TRPM3: variants seen among roughly 807,000 people sequenced by gnomAD.
The protein encoded by TRPM3 is transient receptor potential cation channel subfamily M member 3.
A neutral mutation model predicts 181.2 loss-of-function variants in TRPM3; 77 were observed. The observed-to-expected ratio is 0.42, with a 90% confidence interval of 0.35 to 0.51. TRPM3 has a LOEUF of 0.51. Ranked by LOEUF, TRPM3 falls within the 20% of genes least tolerant of loss-of-function variation. The pLI is 0.01. For synonymous variants in TRPM3, 745 were observed against 796.4 expected (o/e 0.94, Z 1.09); for missense variants, 1,759 against 2,196.7 (o/e 0.80, Z 3.98).
chr9:70,887,408 C>G (rs1019078773), intron 1 of TRPM3, among the ~76,000 whole-genome samples: 2 of 152,144 alleles, frequency 1.3e-5, no homozygotes, highest in Non-Finnish European at 2.9e-5. Context: ...GTTAATCAAA[C>G]TTAGAAATAA....
rs911950462 is a variant in TRPM3, at chr9:71,188,403, C to A, written c.183+258250G>T. Among the ~76,000 whole-genome samples, 5 of 151,962 alleles carry A rather than the reference C, an allele frequency of 3.3e-5. No homozygotes were observed. The East Asian group carries it at 9.7e-4, about 29-fold the overall frequency. On this transcript the variant is annotated intron_variant, in intron 1 of 24. Transcript: ENST00000357533. Reference sequence around the variant, plus strand: ...AGAGTTGCCATCCATAGGCAGACCACGTGCCTGTAGAGGTTTATATCACTA... The same window carrying A: ...AGAGTTGCCATCCATAGGCAGACCAAGTGCCTGTAGAGGTTTATATCACTA...
intron 1 of TRPM3, among the ~76,000 whole-genome samples, chr9:71,233,741 G>A (rs2081204590): frequency 6.6e-6 from 1 of 152,202 alleles, no homozygotes; most frequent in Non-Finnish European, 1.5e-5. Context: ...GAGCTTGCAA[G>A]AAGCCAAATT....
intron 24 of TRPM3, among the ~76,000 whole-genome samples, chr9:70,550,348 G>C (rs1052699060): frequency 6.6e-6 from 1 of 152,110 alleles, no homozygotes; most frequent in African/African-American, 2.4e-5. Context: ...CATCTATTTT[G>C]TGACCATGAA....
chr9:71,205,516 A>T (rs2079071874), intron 1 of TRPM3, among the ~76,000 whole-genome samples: 1 of 152,160 alleles, frequency 6.6e-6, no homozygotes, highest in Non-Finnish European at 1.5e-5. Context: ...AATGGCATCC[A>T]TGGCAAGTTT....
At position 71,104,677 on chromosome 9, in the gene TRPM3, A is replaced by G. The variant is rs75384424; in HGVS notation, c.177+16501T>C. Among the ~76,000 whole-genome samples, 5 of 152,128 alleles carry G rather than the reference A, an allele frequency of 3.3e-5. No individual in the cohort carries two copies. In the South Asian group the frequency reaches 1.0e-3, roughly 32 times the overall value. On this transcript the variant is annotated intron_variant, in intron 1 of 25. Transcript: ENST00000677713. ...TTAATTTTCTTCCTCTCTTTGCTCAACTTTACCCGTTAAGTTTTTTTTGCT... is the reference window on the plus strand; with the variant it reads ...TTAATTTTCTTCCTCTCTTTGCTCAGCTTTACCCGTTAAGTTTTTTTTGCT...
At chr9:71,002,963 T>C (rs1414324255) in intron 1 of TRPM3, among the ~76,000 whole-genome samples, 4 of 152,194 alleles carry the variant, frequency 2.6e-5, no homozygotes, top group African/African-American at 9.6e-5. Flanking sequence ...GTTATTGATG[T>C]TGGGTCCAGG....
chr9:70,908,614 C>T (rs927725575), intron 1 of TRPM3, among the ~76,000 whole-genome samples: 3 of 152,132 alleles, frequency 2.0e-5, no homozygotes, highest in Non-Finnish European at 2.9e-5. Flanking sequence ...TCAGGCCTCC[C>T]CAAATTCATC....
At chr9:70,775,649 T>A (rs1249010607) in intron 7 of TRPM3, 1 of 152,140 alleles carries the variant, frequency 6.6e-6, no homozygotes, top group Non-Finnish European at 1.5e-5. Context: ...AAGGAGGCCC[T>A]AGGAAAATAG....
intron 1 of TRPM3, among the ~76,000 whole-genome samples, chr9:71,038,240 CA>C (rs2058434479): frequency 6.6e-6 from 1 of 152,156 alleles, no homozygotes; most frequent in South Asian, 2.1e-4. Context: ...AGATCAGGAG[CA>C]TGATAGAATT....
chr9:71,220,288 T>C (rs1013744019), intron 1 of TRPM3, among the ~76,000 whole-genome samples: 14 of 152,078 alleles, frequency 9.2e-5, no homozygotes, highest in Non-Finnish European at 1.9e-4. Flanking sequence ...AGTTAGTAGA[T>C]GTCATTACTT....
intron 8 of TRPM3, among the ~76,000 whole-genome samples, chr9:70,740,322 G>A (rs2134796102): frequency 6.6e-6 from 1 of 152,238 alleles, no homozygotes; most frequent in East Asian, 1.9e-4. Flanking sequence ...AATCATAGAT[G>A]ACACAAAAAC....
chr9:70,928,104 G>A (rs182099313), intron 1 of TRPM3, among the ~76,000 whole-genome samples: 50 of 152,258 alleles, frequency 3.3e-4, no homozygotes, highest in African/African-American at 9.9e-4. Flanking sequence ...AAAATGAAAG[G>A]AGCATGGGGT....
intron 7 of TRPM3, among the ~76,000 whole-genome samples, chr9:70,781,953 C>T (rs1054520468): frequency 3.6e-4 from 54 of 151,982 alleles, no homozygotes; most frequent in African/African-American, 1.3e-3. Flanking sequence ...ACCTGAAATG[C>T]TGAGGTGAAC....
intron 1 of TRPM3, among the ~76,000 whole-genome samples, chr9:70,902,356 C>T (rs999696850): frequency 8.5e-5 from 13 of 152,188 alleles, no homozygotes; most frequent in Non-Finnish European, 1.9e-4. Context: ...TTTGGGATGC[C>T]TCATTTCCTT....
intron 1 of TRPM3, among the ~76,000 whole-genome samples, chr9:71,368,642 C>T (rs1162668181): frequency 6.6e-6 from 1 of 152,068 alleles, no homozygotes; most frequent in Admixed American, 6.6e-5. Context: ...AATAGAGTTG[C>T]ATGTAACAGC....
At chr9:70,695,191 G>C (rs1196704486) in intron 8 of TRPM3, among the ~76,000 whole-genome samples, 1 of 152,156 alleles carries the variant, frequency 6.6e-6, no homozygotes, top group East Asian at 1.9e-4. Context: ...ATGGACTTTT[G>C]AATCATACAG....
rs544288148 is a variant in TRPM3, at chr9:70,686,328, T to A, written c.1273-4750A>T. ...AATGAACATTTGGATCAATTTTCAA[T>A]CTTTTGCTATTACAAACGCCATTGC... On this transcript the variant is annotated intron_variant, in intron 8 of 25. Coordinates refer to ENST00000677713, the MANE Select transcript of TRPM3 (RefSeq NM_001366145.2). Among the ~76,000 whole-genome samples the A allele has an allele frequency of 3.9e-5, 6 of 152,370 alleles. No homozygotes were observed. The South Asian group carries it at 1.2e-3, about 32-fold the overall frequency.
At chr9:70,922,066 A>T (rs2096663213) in intron 1 of TRPM3, among the ~76,000 whole-genome samples, 2 of 152,152 alleles carry the variant, frequency 1.3e-5, no homozygotes, top group African/African-American at 4.8e-5. Flanking sequence ...AGAGTAACTC[A>T]TTCTCTTTCT....
At chr9:70,659,388 C>T (rs2060802733) in intron 9 of TRPM3, among the ~76,000 whole-genome samples, 1 of 152,090 alleles carries the variant, frequency 6.6e-6, no homozygotes, top group South Asian at 2.1e-4. Context: ...GGAATTGACC[C>T]AACTCATAGG....
Sources: allele counts gnomAD v4.1 joint callset (sites outside exome capture counted in the v4.1 genomes callset), GRCh38; gene constraint gnomAD v4.1.1; transcripts MANE v1.5; gene names NCBI Gene and HGNC (gene_info 2026-07-23, HGNC 2026-07-21).